The following SNX29 variants were observed in gnomAD, a reference collection of about 807,000 sequenced individuals.
SNX29 encodes sorting nexin-29.
In SNX29, 78 loss-of-function variants were observed where a neutral mutation model predicts 102.1. The ratio of observed to expected loss-of-function variants is 0.76; its 90% CI spans 0.64 to 0.92. SNX29 has a LOEUF of 0.92. SNX29 is among the 40% of genes least tolerant of loss of function. The pLI, the probability that SNX29 is intolerant of heterozygous loss-of-function variation, is 0.00. For missense variants in SNX29, 1,280 were observed against 1,061.7 expected, an observed-to-expected ratio of 1.21 and a Z score of -2.86; for synonymous variants, 580 against 414.5, an observed-to-expected ratio of 1.40 and a Z score of -4.85.
intron 20 of SNX29, among the ~76,000 whole-genome samples, chr16:12,540,641 C>T (rs192116083): frequency 1.3e-5 from 2 of 152,316 alleles, no homozygotes; most frequent in Admixed American, 6.5e-5. Flanking sequence ...GATCATCTCC[C>T]CATCTCAAAA....
At chr16:12,535,888 T>C (rs1169513590) in intron 20 of SNX29, among the ~76,000 whole-genome samples, 1 of 151,998 alleles carries the variant, frequency 6.6e-6, no homozygotes, top group Non-Finnish European at 1.5e-5. Flanking sequence ...CCTACCCATC[T>C]CCCCTTCTTT....
intron 8 of SNX29, among the ~76,000 whole-genome samples, chr16:12,057,451 G>A (rs2050566045): frequency 6.6e-6 from 1 of 152,144 alleles, no homozygotes; most frequent in South Asian, 2.1e-4. Context: ...GGAAGCAGTT[G>A]AGCTGGGAGC....
intron 14 of SNX29, among the ~76,000 whole-genome samples, chr16:12,230,937 C>G (rs1032491507): frequency 1.3e-5 from 2 of 152,136 alleles, no homozygotes; most frequent in African/African-American, 2.4e-5. Context: ...ACTTACGCCT[C>G]TTGGGTTCAA....
At chr16:12,032,364 T>C (rs1445426912) in intron 4 of SNX29, among the ~76,000 whole-genome samples, 1 of 151,986 alleles carries the variant, frequency 6.6e-6, no homozygotes, top group East Asian at 1.9e-4. Flanking sequence ...CATGCCACCA[T>C]GCCCGGCTAA....
At chr16:12,514,784 G>T (rs1217238085) in intron 19 of SNX29, among the ~76,000 whole-genome samples, 1 of 152,100 alleles carries the variant, frequency 6.6e-6, no homozygotes, top group Non-Finnish European at 1.5e-5. Context: ...AGAATCACTT[G>T]AACCGGGGAG....
At chr16:12,558,782 C>T (rs1469620266) in intron 20 of SNX29, among the ~76,000 whole-genome samples, 2 of 152,242 alleles carry the variant, frequency 1.3e-5, no homozygotes, top group African/African-American at 4.8e-5. Context: ...ATTGTACAAC[C>T]TGAAGCAGTT....
chr16:12,384,192 A>C (rs1449022835), intron 16 of SNX29, among the ~76,000 whole-genome samples: 1 of 152,030 alleles, frequency 6.6e-6, no homozygotes, highest in Non-Finnish European at 1.5e-5. Flanking sequence ...GGGAGTGTGG[A>C]TCTCTCTTCA....
intron 11 of SNX29, among the ~76,000 whole-genome samples, chr16:12,123,442 C>A (rs936240230): frequency 1.3e-5 from 2 of 152,200 alleles, no homozygotes; most frequent in Non-Finnish European, 2.9e-5. Context: ...CATCACCCAT[C>A]TCTCTCACAT....
intron 11 of SNX29, among the ~76,000 whole-genome samples, chr16:12,125,790 C>G (rs1370540913): frequency 6.6e-6 from 1 of 151,888 alleles, no homozygotes; most frequent in African/African-American, 2.4e-5. Context: ...GCAGTACTTG[C>G]CAGGCAAGCA....
intron 14 of SNX29, among the ~76,000 whole-genome samples, chr16:12,265,842 A>G (rs967657147): frequency 6.6e-6 from 1 of 152,082 alleles, no homozygotes; most frequent in African/African-American, 2.4e-5. Flanking sequence ...GTAAGCCATG[A>G]TTGTATCATT....
At chr16:12,347,144 C>G (rs1377504998) in intron 15 of SNX29, among the ~76,000 whole-genome samples, 1 of 151,882 alleles carries the variant, frequency 6.6e-6, no homozygotes, top group African/African-American at 2.4e-5. Flanking sequence ...TCAAGGGAAC[C>G]TTTGAAATGT....
chr16:12,016,559 C>T (rs1428582304), intron 3 of SNX29, among the ~76,000 whole-genome samples: 1 of 152,240 alleles, frequency 6.6e-6, no homozygotes, highest in Admixed American at 6.5e-5. Context: ...GATCCAGTTT[C>T]TCTGTGTCCT....
intron 11 of SNX29, chr16:12,087,588 C>T (rs1047111122): frequency 2.6e-5 from 9 of 342,948 alleles, no homozygotes; most frequent in Non-Finnish European, 4.6e-5. Context: ...CAGAGCAAGA[C>T]CTGCCTCTTA....
chr16:12,496,395 T>C (rs1247171260), intron 19 of SNX29, among the ~76,000 whole-genome samples: 1 of 152,028 alleles, frequency 6.6e-6, no homozygotes, highest in African/African-American at 2.4e-5. Context: ...TATCTCACGC[T>C]TCCTCGTTGC....
At chr16:12,549,377 C>A (rs781141907) in intron 20 of SNX29, among the ~76,000 whole-genome samples, 1 of 152,186 alleles carries the variant, frequency 6.6e-6, no homozygotes, top group Non-Finnish European at 1.5e-5. Context: ...CACCTGTAGT[C>A]CCAGCTACTC....
intron 11 of SNX29, among the ~76,000 whole-genome samples, chr16:12,118,965 C>G (rs1261165477): frequency 3.3e-5 from 5 of 152,178 alleles, no homozygotes; most frequent in Admixed American, 6.5e-5. Flanking sequence ...AATGGCGGTG[C>G]AAATGTGTGC....
chr16:12,524,978 T>C, intron 20 of SNX29, 137 bp downstream of exon 20: 2 of 1,262,112 alleles, frequency 1.6e-6, no homozygotes, highest in Non-Finnish European at 2.2e-6. Context: ...CCAGGGGCTG[T>C]TCCAGGTGCC....
In SNX29 at chr16:12,078,856, A is replaced by C; in HGVS notation, c.1343A>C (p.His448Pro). 1 of 1,606,226 alleles carries C rather than the reference A, an allele frequency of 6.2e-7. No individual in the cohort carries two copies. Among genetic ancestry groups the C allele is most frequent in the Non-Finnish European group, 8.5e-7 (1 of 1,176,614 alleles). Residue 448 changes from histidine to proline, a missense_variant, in exon 11 of 21, where the codon CAC becomes CCC. Physicochemically the swap from His to Pro is moderately conservative, Grantham distance 77. Coordinates refer to ENST00000566228, the MANE Select transcript of SNX29 (RefSeq NM_032167.5). ...AGTGTGGAAGCCAGCTCTCCAGGCC[A>C]CGGAAGTCCTCTGAGCAGCCTGTTA... The part of the protein sequence containing the change: ...RYSVEASSPG[H>P]GSPLSSLLPS...
chr16:12,155,705 T>G (rs777982290), intron 13 of SNX29, among the ~76,000 whole-genome samples: 2 of 152,154 alleles, frequency 1.3e-5, no homozygotes, highest in Non-Finnish European at 2.9e-5. Context: ...TAGATGCAGC[T>G]GGGAGTGTGA....
Sources: allele counts gnomAD v4.1 joint callset (sites outside exome capture counted in the v4.1 genomes callset), GRCh38; gene constraint gnomAD v4.1.1; transcripts MANE v1.5; gene names NCBI Gene and HGNC (gene_info 2026-07-23, HGNC 2026-07-21).